Variants in TRAPPC9 observed in about 807,000 individuals in gnomAD.
The protein encoded by TRAPPC9 is trafficking protein particle complex subunit 9.
In TRAPPC9, 83 loss-of-function variants were observed where a neutral mutation model predicts 124.0. That is an observed-to-expected ratio of 0.67 (90% CI 0.56 to 0.80). TRAPPC9 has a LOEUF of 0.80. Among genes scored for constraint, TRAPPC9 ranks in the 30% least tolerant of loss-of-function variants. The pLI is 0.00. For synonymous variants in TRAPPC9, 638 were observed against 617.5 expected (o/e 1.03, Z -0.49); for missense variants, 1,302 against 1,508.3 (o/e 0.86, Z 2.27).
intron 17 of TRAPPC9, among the ~76,000 whole-genome samples, chr8:140,106,150 T>C (rs904436963): frequency 3.3e-5 from 5 of 151,902 alleles, no homozygotes; most frequent in South Asian, 2.1e-4. Context: ...GCAAGGTCAG[T>C]GTTGCCAGGA....
chr8:139,809,597 G>A (rs1014358364), intron 21 of TRAPPC9, among the ~76,000 whole-genome samples: 3 of 152,162 alleles, frequency 2.0e-5, no homozygotes, highest in East Asian at 1.9e-4. Context: ...AATTTTGCCT[G>A]CTGGCATCTG....
chr8:140,167,778 G>GA (rs2061871955), intron 17 of TRAPPC9, among the ~76,000 whole-genome samples: 2 of 152,136 alleles, frequency 1.3e-5, no homozygotes, highest in South Asian at 4.1e-4. Flanking sequence ...AAGGCCACAC[G>GA]AAAGCTGACC....
chr8:140,386,211 A>C (rs567255726), intron 7 of TRAPPC9, among the ~76,000 whole-genome samples: 9 of 152,364 alleles, frequency 5.9e-5, no homozygotes, highest in African/African-American at 1.9e-4. Flanking sequence ...AGCCAACATC[A>C]TACTGAATGG....
rs61528944 is a variant in TRAPPC9 at position 139,945,543 on chromosome 8, CAAAAAAAAAAAAAAAAAAA to C, written c.2811-35262_2811-35244del. 8.9e-3 allele frequency among the ~76,000 whole-genome samples: 588 copies of C among 66,238 alleles called. 12 individuals are homozygous for C. The highest frequency in any genetic ancestry group is 0.037 in the African/African-American group (539 of 14,512). The allele number at this position is 66,238 out of a possible 152,430, so 43.5% of individuals were successfully genotyped here. On this transcript the variant is annotated intron_variant, in intron 19 of 22. Coordinates refer to ENST00000438773, the MANE Select transcript of TRAPPC9 (RefSeq NM_001160372.4). ...TCTCCACAATTGACAGCACAATTAG[CAAAAAAAAAAAAAAAAAAA>C]AAAAAAAAAAACCAACAAAAAACAG...
At chr8:140,207,266 A>G (rs1159640823) in intron 17 of TRAPPC9, among the ~76,000 whole-genome samples, 2 of 152,228 alleles carry the variant, frequency 1.3e-5, no homozygotes, top group South Asian at 2.1e-4. Flanking sequence ...TTTGAAGCCA[A>G]ATAAATATAA....
intron 11 of TRAPPC9, among the ~76,000 whole-genome samples, chr8:140,293,789 G>A (rs529503353): frequency 1.6e-4 from 25 of 152,036 alleles, no homozygotes; most frequent in African/African-American, 5.5e-4. Context: ...TGGGTGCAGC[G>A]CACCAGCATG....
At chr8:140,018,250 T>G (rs183113768) in intron 18 of TRAPPC9, among the ~76,000 whole-genome samples, 3 of 152,322 alleles carry the variant, frequency 2.0e-5, no homozygotes, top group East Asian at 3.9e-4. Context: ...TTTATTATTT[T>G]GATTCTACTG....
chr8:139,866,986 C>T (rs748881701), intron 21 of TRAPPC9, among the ~76,000 whole-genome samples: 1 of 152,144 alleles, frequency 6.6e-6, no homozygotes, highest in Non-Finnish European at 1.5e-5. Flanking sequence ...AAGCACCCAC[C>T]ACCACAGCTG....
chr8:139,797,331 C>T (rs1823170909), intron 21 of TRAPPC9, among the ~76,000 whole-genome samples: 1 of 152,158 alleles, frequency 6.6e-6, no homozygotes, highest in Non-Finnish European at 1.5e-5. Flanking sequence ...GTGATCTTGG[C>T]TCACTGCGAC....
At chr8:140,389,911 G>A (rs996590799) in intron 7 of TRAPPC9, among the ~76,000 whole-genome samples, 2 of 151,946 alleles carry the variant, frequency 1.3e-5, no homozygotes, top group African/African-American at 2.4e-5. Flanking sequence ...GGAAACCAGG[G>A]GAAGGTTAAA....
chr8:140,141,122 T>C (rs1426479481), intron 17 of TRAPPC9, among the ~76,000 whole-genome samples: 2 of 152,244 alleles, frequency 1.3e-5, no homozygotes, highest in African/African-American at 4.8e-5. Flanking sequence ...ATTAAAAGCA[T>C]GGGGAATTCG....
Position 140,223,006 on chromosome 8 carries a change from G to T in TRAPPC9, c.2432-1423C>A, listed in dbSNP as rs115294906. Among the ~76,000 whole-genome samples, 550 of 152,276 alleles carry T rather than the reference G, an allele frequency of 3.6e-3. 4 individuals carry two copies. The highest frequency in any genetic ancestry group is 0.012 in the African/African-American group (489 of 41,558). ...CTTTATGCTTTCTAAACTTGCCCTCGTTTTATTTATTCTTTCTTTTTAAGT... is the reference window on the plus strand; with the variant it reads ...CTTTATGCTTTCTAAACTTGCCCTCTTTTTATTTATTCTTTCTTTTTAAGT... On this transcript the variant is annotated intron_variant, in intron 16 of 22. Coordinates refer to ENST00000438773, the MANE Select transcript of TRAPPC9 (RefSeq NM_001160372.4).
rs1168050046 is a variant in TRAPPC9 at position 140,196,171 on chromosome 8, A to G, written c.2556+25288T>C. On this transcript the variant is annotated intron_variant, in intron 17 of 22. Transcript: ENST00000438773. ...CCATACAGATCACACCTGTGACACT[A>G]AAACACACTCAACGATCCACCATAC... 4.4e-5 allele frequency among the ~76,000 whole-genome samples: 6 copies of G among 135,194 alleles called. No homozygotes were observed. In the South Asian group the frequency reaches 7.6e-4, roughly 17 times the overall value. 88.7% of individuals were successfully genotyped at this position (135,194 alleles called of 152,430 possible).
intron 21 of TRAPPC9, among the ~76,000 whole-genome samples, chr8:139,785,957 C>T (rs1390613603): frequency 6.6e-6 from 1 of 152,076 alleles, no homozygotes; most frequent in East Asian, 1.9e-4. Flanking sequence ...CCTGTAATCC[C>T]AGCACTTTCG....
intron 5 of TRAPPC9, among the ~76,000 whole-genome samples, chr8:140,409,149 GA>G (rs961966855): frequency 1.5e-4 from 21 of 140,580 alleles, no homozygotes; most frequent in South Asian, 2.3e-4. Flanking sequence ...AAATCCAACA[GA>G]AAAAAAAAAT....
At chr8:140,234,061 A>G (rs146214050) in intron 16 of TRAPPC9, among the ~76,000 whole-genome samples, 1 of 152,328 alleles carries the variant, frequency 6.6e-6, no homozygotes, top group African/African-American at 2.4e-5. Flanking sequence ...ATAATGAGTC[A>G]TTGAGATCAG....
intron 19 of TRAPPC9, among the ~76,000 whole-genome samples, chr8:139,920,285 G>A (rs1477081160): frequency 2.6e-5 from 4 of 152,246 alleles, no homozygotes; most frequent in Non-Finnish European, 2.9e-5. Context: ...GGTGGAGGTT[G>A]CAGTGAGCCG....
intron 19 of TRAPPC9, 106 bp downstream of exon 19, chr8:139,988,620 G>T (rs1162171846): frequency 1.3e-6 from 1 of 754,774 alleles, no homozygotes; most frequent in Non-Finnish European, 2.3e-6. Flanking sequence ...GAGACAAACT[G>T]CCCATCCTCT....
At chr8:140,287,862 C>A (rs542133976) in intron 12 of TRAPPC9, 128 bp from the exon 13 acceptor site, 1 of 1,348,792 alleles carries the variant, frequency 7.4e-7, no homozygotes, top group South Asian at 1.2e-5. Context: ...ACAGTCTTCA[C>A]AGAGAACTTC....
Sources: gnomAD v4.1 joint callset for allele counts (sites outside exome capture counted in the v4.1 genomes callset) on GRCh38, gnomAD v4.1.1 for gene constraint, MANE v1.5 for transcripts, NCBI Gene and HGNC (gene_info 2026-07-23, HGNC 2026-07-21) for gene names.